Variants in BACE2 observed in about 807,000 individuals in gnomAD.
BACE2 encodes 56 kDa aspartic-like protease.
A neutral mutation model predicts 46.2 loss-of-function variants in BACE2; 17 were observed. The ratio of observed to expected loss-of-function variants is 0.37; its 90% CI spans 0.25 to 0.55. The LOEUF (loss-of-function observed/expected upper bound fraction) is 0.55, where lower values mean the gene tolerates loss of function less well. Ranked by LOEUF, BACE2 falls within the 20% of genes least tolerant of loss-of-function variation. The pLI, the probability that BACE2 is intolerant of heterozygous loss-of-function variation, is 0.82. For missense variants in BACE2, 595 were observed against 698.1 expected, an observed-to-expected ratio of 0.85 and a Z score of 1.66; for synonymous variants, 277 against 295.9, an observed-to-expected ratio of 0.94 and a Z score of 0.66.
intron 8 of BACE2, among the ~76,000 whole-genome samples, chr21:41,270,555 T>G (rs1160231359): frequency 6.6e-6 from 1 of 152,192 alleles, no homozygotes; most frequent in Admixed American, 6.5e-5. Context: ...GTGCTGGGAT[T>G]ATAGGCATGA....
At chr21:41,172,587 G>A (rs946402073) in intron 1 of BACE2, among the ~76,000 whole-genome samples, 1 of 152,230 alleles carries the variant, frequency 6.6e-6, no homozygotes, top group African/African-American at 2.4e-5. Flanking sequence ...CGTCACTGCC[G>A]TTCCTCCTTA....
Position 41,257,169 on chromosome 21 carries a change from G to A in BACE2, c.1146G>A (p.Gln382=). ...RITILPQLYI[Q]PMMGAGLNYE... ...TCTCCGACAAACAGCTTTACATTCAGCCCATGATGGGGGCCGGCCTGAATT... is the reference window on the plus strand; with the variant it reads ...TCTCCGACAAACAGCTTTACATTCAACCCATGATGGGGGCCGGCCTGAATT... The change falls in exon 8 of 9, where the codon CAG becomes CAA. Residue 382 remains glutamine (Q), a synonymous_variant. Transcript: ENST00000330333. 1 of 1,614,128 alleles carries A rather than the reference G, an allele frequency of 6.2e-7. No homozygotes were observed. Among genetic ancestry groups the A allele is most frequent in the East Asian group, 2.2e-5 (1 of 44,888 alleles).
intron 3 of BACE2, among the ~76,000 whole-genome samples, chr21:41,239,975 T>C (rs962656315): frequency 2.6e-5 from 4 of 152,284 alleles, no homozygotes; most frequent in Non-Finnish European, 5.9e-5. Flanking sequence ...AAAGATTCTG[T>C]GAGAACAGAC....
At chr21:41,205,389 A>G (rs1440092921) in intron 1 of BACE2, among the ~76,000 whole-genome samples, 1 of 152,256 alleles carries the variant, frequency 6.6e-6, no homozygotes, top group Non-Finnish European at 1.5e-5. Flanking sequence ...TACCCCAGTT[A>G]TAAGATGGTT....
At chr21:41,199,601 G>A (rs1217778173) in intron 1 of BACE2, among the ~76,000 whole-genome samples, 1 of 152,168 alleles carries the variant, frequency 6.6e-6, no homozygotes, top group Non-Finnish European at 1.5e-5. Context: ...GCTTCCTAGA[G>A]TGGTTCAGGC....
intron 1 of BACE2, among the ~76,000 whole-genome samples, chr21:41,216,269 T>C (rs1986463870): frequency 1.3e-5 from 2 of 152,130 alleles, no homozygotes; most frequent in South Asian, 4.2e-4. Context: ...GCCCAGAGCG[T>C]TTACTGTGCC....
rs930796581 is a variant in BACE2 at position 41,248,641 on chromosome 21, A to T, written c.985-2111A>T. On this transcript the variant is annotated intron_variant, in intron 6 of 8. Coordinates refer to ENST00000330333, the MANE Select transcript of BACE2 (RefSeq NM_012105.5). Reference sequence around the variant, plus strand: ...AATGCCAGCATTAGAAATTTCACAAATCAATCACAAATGGTCTGAGTGGAG... The same window carrying T: ...AATGCCAGCATTAGAAATTTCACAATTCAATCACAAATGGTCTGAGTGGAG... 1.3e-5 allele frequency among the ~76,000 whole-genome samples: 2 copies of T among 152,346 alleles called. 1 individual carries two copies. Among genetic ancestry groups the T allele is most frequent in the East Asian group, 3.9e-4 (2 of 5,188 alleles).
rs2088505270 is a variant in BACE2 at position 41,277,635 on chromosome 21, A to T, written c.*2011A>T. ...CCCTGAAATAAGAGGAGGGAATCGC[A>T]GACATGCCCTGATTAGTTTTCCTGC... On this transcript the variant is annotated 3_prime_UTR_variant, in exon 9 of 9. Transcript: ENST00000330333. 6.6e-6 allele frequency: 1 copy of T among 152,262 alleles called. No homozygotes were observed. 9.4% of individuals were successfully genotyped at this position (152,262 alleles called of 1,614,324 possible).
chr21:41,174,299 C>A (rs1984726001), intron 1 of BACE2, among the ~76,000 whole-genome samples: 1 of 151,892 alleles, frequency 6.6e-6, no homozygotes. Flanking sequence ...TGTGCCACGA[C>A]AACCAGCTAA....
intron 1 of BACE2, among the ~76,000 whole-genome samples, chr21:41,224,962 C>T (rs1326262313): frequency 1.3e-5 from 2 of 152,190 alleles, no homozygotes; most frequent in African/African-American, 4.8e-5. Flanking sequence ...CGGCTGGGTG[C>T]GGTGGCTCAC....
intron 1 of BACE2, among the ~76,000 whole-genome samples, chr21:41,212,704 C>G (rs902082125): frequency 6.6e-6 from 1 of 152,134 alleles, no homozygotes; most frequent in African/African-American, 2.4e-5. Flanking sequence ...AAGGGCTGCT[C>G]CCAGGAGCAT....
At chr21:41,180,113 T>G in intron 1 of BACE2, 1 of 205,478 alleles carries the variant, frequency 4.9e-6, no homozygotes, top group Non-Finnish European at 1.1e-5. Flanking sequence ...TTGTATCCAC[T>G]TTTAATTATA....
At chr21:41,168,625 G>T in intron 1 of BACE2, 50 bp downstream of exon 1, 2 of 1,266,726 alleles carry the variant, frequency 1.6e-6, no homozygotes, top group Non-Finnish European at 2.0e-6. Flanking sequence ...GTTGGAGGGA[G>T]GGGGCTGTCC....
chr21:41,271,340 G>A (rs1168506808), intron 8 of BACE2, among the ~76,000 whole-genome samples: 1 of 152,108 alleles, frequency 6.6e-6, no homozygotes, highest in African/African-American at 2.4e-5. Flanking sequence ...GTTTCTGTAT[G>A]GCCTGTGAGG....
chr21:41,216,407 C>T (rs1315937890), intron 1 of BACE2, among the ~76,000 whole-genome samples: 1 of 152,212 alleles, frequency 6.6e-6, no homozygotes, highest in Non-Finnish European at 1.5e-5. Context: ...CTGAGTTGAA[C>T]CTTCTTGAAA....
At chr21:41,259,347 C>T (rs1377245153) in intron 8 of BACE2, among the ~76,000 whole-genome samples, 5 of 152,044 alleles carry the variant, frequency 3.3e-5, no homozygotes, top group Non-Finnish European at 7.4e-5. Flanking sequence ...TGGATTGTTT[C>T]GCCATTAAAG....
chr21:41,266,299 T>C (rs1327284591), intron 8 of BACE2, among the ~76,000 whole-genome samples: 2 of 152,222 alleles, frequency 1.3e-5, no homozygotes, highest in African/African-American at 2.4e-5. Flanking sequence ...CCATCACCGA[T>C]GGGGAGTTCA....
chr21:41,225,271 AG>A (rs922941227), intron 1 of BACE2, among the ~76,000 whole-genome samples: 2 of 152,104 alleles, frequency 1.3e-5, no homozygotes, highest in African/African-American at 4.8e-5. Context: ...TGATCCAAAA[AG>A]TTTCACTCCT....
intron 8 of BACE2, among the ~76,000 whole-genome samples, chr21:41,269,986 A>T (rs9976426): frequency 0.41 from 62,763 of 152,094 alleles, 15,078 homozygotes; most frequent in East Asian, 0.7. Context: ...CAGTTGTTAA[A>T]CATCCTCACC....
Sources: allele counts gnomAD v4.1 joint callset (sites outside exome capture counted in the v4.1 genomes callset), GRCh38; gene constraint gnomAD v4.1.1; transcripts MANE v1.5; gene names NCBI Gene and HGNC (gene_info 2026-07-23, HGNC 2026-07-21).